The following KDM2B variants were observed in gnomAD, a reference collection of about 807,000 sequenced individuals.
The protein encoded by KDM2B is lysine-specific demethylase 2B.
KDM2B carries 26 observed loss-of-function variants against 150.0 expected under a neutral mutation model. The ratio of observed to expected loss-of-function variants is 0.17; its 90% CI spans 0.13 to 0.24. The LOEUF is 0.24. Among genes scored for constraint, KDM2B ranks in the 10% least tolerant of loss-of-function variants. KDM2B has a pLI of 1.00. For synonymous variants in KDM2B, 734 were observed against 729.5 expected, an observed-to-expected ratio of 1.01 and a Z score of -0.10; for missense variants, 1,265 against 1,816.9, an observed-to-expected ratio of 0.70 and a Z score of 5.52.
At chr12:121,471,494 C>T (rs1356306488) in intron 12 of KDM2B, among the ~76,000 whole-genome samples, 1 of 152,042 alleles carries the variant, frequency 6.6e-6, no homozygotes, top group African/African-American at 2.4e-5. Context: ...GAGGTTTTGC[C>T]CAGACTCAGC....
At chr12:121,426,004 T>C (rs1391265933), downstream of KDM2B, among the ~76,000 whole-genome samples, 1 of 152,074 alleles carries the variant, frequency 6.6e-6, no homozygotes, top group Non-Finnish European at 1.5e-5. Context: ...CCTGACCTCA[T>C]GATCCACCCG....
In KDM2B at chr12:121,440,838, G is replaced by A. The variant is rs1377741045; in HGVS notation, c.3588C>T (p.Ser1196=). The A allele has an allele frequency of 1.2e-6, 2 of 1,613,228 alleles. No individual in the cohort carries two copies. The highest frequency in any genetic ancestry group is 2.7e-5 in the African/African-American group (2 of 74,910). ...CACCTGGCCTGTTGTCTGTGGGCGG[G>A]GACAGGAGATCCCGCATCTGGGCAT... ...LKDAQMRDLL[S]PPTDNRPGQM... Residue 1196 remains serine, a synonymous_variant, in exon 21 of 23, where the codon TCC becomes TCT. Coordinates refer to ENST00000377071, the MANE Select transcript of KDM2B (RefSeq NM_032590.5).
chr12:121,539,663 G>GA (rs1566394208), intron 6 of KDM2B, among the ~76,000 whole-genome samples: 1 of 147,016 alleles, frequency 6.8e-6, no homozygotes, highest in Non-Finnish European at 1.5e-5. Context: ...TTGGCCAGCA[G>GA]TTTTTTTTTT....
At chr12:121,516,248 A>G (rs782111491) in intron 9 of KDM2B, 1 of 315,230 alleles carries the variant, frequency 3.2e-6, no homozygotes, top group Non-Finnish European at 6.1e-6. Flanking sequence ...CTGCTCGGAC[A>G]CCATGACCAC....
At chr12:121,436,634 G>GA (rs1874039119) in intron 22 of KDM2B, among the ~76,000 whole-genome samples, 1 of 152,254 alleles carries the variant, frequency 6.6e-6, no homozygotes, top group African/African-American at 2.4e-5. Flanking sequence ...GACTAGTCCA[G>GA]AAAGAGGAAA....
chr12:121,504,698 T>C (rs1348653865), intron 11 of KDM2B, among the ~76,000 whole-genome samples: 1 of 152,164 alleles, frequency 6.6e-6, no homozygotes, highest in Non-Finnish European at 1.5e-5. Context: ...TGGTGGTGGT[T>C]GCACACGATT....
At chr12:121,525,372 T>C (rs960040881) in intron 8 of KDM2B, among the ~76,000 whole-genome samples, 1 of 152,126 alleles carries the variant, frequency 6.6e-6, no homozygotes, top group Non-Finnish European at 1.5e-5. Flanking sequence ...GTTCAAGCCA[T>C]TCTCCTGCCT....
chr12:121,479,716 A>G (rs1013231196), intron 12 of KDM2B, among the ~76,000 whole-genome samples: 3 of 151,720 alleles, frequency 2.0e-5, no homozygotes, highest in Admixed American at 6.6e-5. Flanking sequence ...CCGACTCCCA[A>G]GTTCAAGCAA....
chr12:121,446,462 A>T (rs1230568956), intron 13 of KDM2B, among the ~76,000 whole-genome samples: 1 of 152,188 alleles, frequency 6.6e-6, no homozygotes, highest in East Asian at 1.9e-4. Context: ...CTTTATGAAA[A>T]CCTTACCCTA....
chr12:121,462,297 G>C (rs1341208533), intron 12 of KDM2B, among the ~76,000 whole-genome samples: 9 of 152,244 alleles, frequency 5.9e-5, no homozygotes, highest in Non-Finnish European at 1.3e-4. Flanking sequence ...CCAGGCTCTG[G>C]GTTTTTTAAT....
chr12:121,455,628 C>T (rs544889303), intron 12 of KDM2B, among the ~76,000 whole-genome samples: 9 of 152,220 alleles, frequency 5.9e-5, no homozygotes, highest in Admixed American at 2.0e-4. Flanking sequence ...TTGCTTGAGC[C>T]CAGGAATTTG....
intron 11 of KDM2B, 34 bp from the exon 12 acceptor site, chr12:121,494,699 G>A: frequency 6.5e-7 from 1 of 1,549,216 alleles, no homozygotes; most frequent in Non-Finnish European, 8.8e-7. Flanking sequence ...ATTAGCCCAG[G>A]GGGAAGGGGA....
chr12:121,470,792 T>C (rs1323166604), intron 12 of KDM2B, among the ~76,000 whole-genome samples: 1 of 152,236 alleles, frequency 6.6e-6, no homozygotes, highest in Non-Finnish European at 1.5e-5. Context: ...TGTCCCTTAC[T>C]ACATGCTATT....
At position 121,471,090 on chromosome 12, in the gene KDM2B, G is replaced by C. The variant is rs114805689; in HGVS notation, c.1735-17746C>G. ...CCAATATCTGTTTTGTATTAATAGT[G>C]TGCTGGACTATATATACAATACAAA... On this transcript the variant is annotated intron_variant, in intron 12 of 22. Coordinates refer to ENST00000377071, the MANE Select transcript of KDM2B (RefSeq NM_032590.5). 8.1e-3 allele frequency among the ~76,000 whole-genome samples: 1,239 copies of C among 152,258 alleles called. 17 individuals carry two copies. Among genetic ancestry groups the C allele is most frequent in the African/African-American group, 0.025 (1,046 of 41,548 alleles).
At chr12:121,560,651 G>A (rs1373725349) in intron 4 of KDM2B, among the ~76,000 whole-genome samples, 1 of 151,912 alleles carries the variant, frequency 6.6e-6, no homozygotes, top group African/African-American at 2.4e-5. Flanking sequence ...GGCAGTGGGG[G>A]CAGAGGAAGA....
chr12:121,461,257 G>C (rs1879079733), intron 12 of KDM2B, among the ~76,000 whole-genome samples: 1 of 152,184 alleles, frequency 6.6e-6, no homozygotes, highest in Admixed American at 6.5e-5. Flanking sequence ...CACATTCAAG[G>C]AACTGCAAAT....
intron 13 of KDM2B, among the ~76,000 whole-genome samples, chr12:121,446,126 T>C (rs1441168565): frequency 6.6e-6 from 1 of 152,160 alleles, no homozygotes; most frequent in East Asian, 1.9e-4. Flanking sequence ...CCGGGCGCGG[T>C]GGCTCACGCC....
rs1161644534 is a variant in KDM2B at position 121,430,839 on chromosome 12, T to C, written c.3830-370A>G. On this transcript the variant is annotated intron_variant, in intron 22 of 22. Coordinates refer to ENST00000377071, the MANE Select transcript of KDM2B (RefSeq NM_032590.5). This position sits in a 1 kb window ranked among gnomAD's most constrained non-coding sequence, Gnocchi z 4.4. ...CTTGCTTTTCTCATCTAATATGTTG[T>C]TGATGAGTACTGCTCTATGTCTATT... Among the ~76,000 whole-genome samples the C allele has an allele frequency of 6.6e-6, 1 of 152,250 alleles. No homozygotes were observed. Among genetic ancestry groups the C allele is most frequent in the African/African-American group, 2.4e-5 (1 of 41,462 alleles).
At chr12:121,562,447 G>A (rs1339032774) in intron 4 of KDM2B, among the ~76,000 whole-genome samples, 6 of 152,052 alleles carry the variant, frequency 3.9e-5, no homozygotes, top group African/African-American at 1.2e-4. Flanking sequence ...TGGGGTCACT[G>A]TACTCCAGCC....
Sources: gnomAD v4.1 joint callset for allele counts (sites outside exome capture counted in the v4.1 genomes callset) on GRCh38, gnomAD v4.1.1 for gene constraint, Gnocchi (gnomAD v3.1) non-coding constraint, MANE v1.5 for transcripts, NCBI Gene and HGNC (gene_info 2026-07-23, HGNC 2026-07-21) for gene names.